The following ST8SIA3 variants were observed in gnomAD, a reference collection of about 807,000 sequenced individuals.
ST8SIA3 encodes the protein ST8 alpha-N-acetyl-neuraminide alpha-2,8-sialyltransferase 3.
In ST8SIA3, 17 loss-of-function variants were observed where a neutral mutation model predicts 34.5. That is an observed-to-expected ratio of 0.49 (90% CI 0.34 to 0.74). ST8SIA3 has a LOEUF of 0.74. ST8SIA3 is among the 30% of genes least tolerant of loss of function. The pLI is 0.01. For missense variants in ST8SIA3, 354 were observed against 467.8 expected (o/e 0.76, Z 2.24); for synonymous variants, 172 against 176.1 (o/e 0.98, Z 0.19).
Position 57,360,139 on chromosome 18 carries a change from A to C in ST8SIA3, c.1005A>C (p.Pro335=), listed in dbSNP as rs1291115458. The change falls in exon 4 of 4, where the codon CCA becomes CCC. Residue 335 remains proline (P), a synonymous_variant. Coordinates refer to ENST00000324000, the MANE Select transcript of ST8SIA3 (RefSeq NM_015879.3). The part of the protein sequence containing the change: ...GFDPNTREDL[P]YHYYDKKGTK... Reference sequence around the variant, plus strand: ...ACCCCAACACAAGGGAAGATCTTCCATACCATTACTATGACAAAAAAGGAA... The same window carrying C: ...ACCCCAACACAAGGGAAGATCTTCCCTACCATTACTATGACAAAAAAGGAA... The C allele has an allele frequency of 1.2e-6, 2 of 1,614,186 alleles. No homozygotes were observed. Among genetic ancestry groups the C allele is most frequent in the Non-Finnish European group, 1.7e-6 (2 of 1,180,018 alleles).
chr18:57,355,155 C>T (rs909200945), intron 2 of ST8SIA3, among the ~76,000 whole-genome samples: 2 of 152,148 alleles, frequency 1.3e-5, no homozygotes, highest in Admixed American at 6.5e-5. Context: ...ATTTTATACA[C>T]ATAAGATGGT....
intron 3 of ST8SIA3, among the ~76,000 whole-genome samples, chr18:57,358,667 G>A (rs753819800): frequency 1.4e-4 from 21 of 152,072 alleles, no homozygotes; most frequent in Admixed American, 2.6e-4. Context: ...AGTTCCCCAG[G>A]ATATATGGTC....
rs2049864323 is a variant in ST8SIA3, at chr18:57,366,975, G to T, written c.*6698G>T. ...TTCCAACTGAGTGTTTAGAAATCAG[G>T]TAATCTGGTAATCCACAGAACAAGC... is the stretch of plus-strand genomic sequence containing the variant. On this transcript the variant is annotated 3_prime_UTR_variant, in exon 4 of 4. Transcript: ENST00000324000. 6.6e-6 allele frequency: 1 copy of T among 152,180 alleles called. No homozygotes were observed. Among genetic ancestry groups the T allele is most frequent in the Non-Finnish European group, 1.5e-5 (1 of 68,038 alleles). The allele number at this position is 152,180 out of a possible 1,614,324, so 9.4% of individuals were successfully genotyped here. A position where few individuals can be genotyped will look rare whatever the true frequency, so the allele number is the denominator to read the frequency against.
chr18:57,359,907 A>C, intron 3 of ST8SIA3, 88 bp from the exon 4 acceptor site: 1 of 1,205,040 alleles, frequency 8.3e-7, no homozygotes, highest in Non-Finnish European at 1.2e-6. Flanking sequence ...ACAGTAACAA[A>C]TCCACTACCC....
At chr18:57,358,704 G>C (rs1235082053) in intron 3 of ST8SIA3, among the ~76,000 whole-genome samples, 1 of 152,160 alleles carries the variant, frequency 6.6e-6, no homozygotes, top group Non-Finnish European at 1.5e-5. Context: ...ATGTAGCCCA[G>C]CTCCTAAGTT....
chr18:57,365,109 G>C lies in ST8SIA3; in HGVS notation c.*4832G>C, dbSNP rs2049853123. 6.6e-6 allele frequency: 1 copy of C among 152,114 alleles called. No individual in the cohort carries two copies. The highest frequency in any genetic ancestry group is 2.4e-5 in the African/African-American group (1 of 41,420). The allele number at this position is 152,114 out of a possible 1,614,324, so 9.4% of individuals were successfully genotyped here. ...AGCAACTCTTCAAAATACAATTCTTGCCACTCATTCTGGACCTTTGATTCA... is the reference window on the plus strand; with the variant it reads ...AGCAACTCTTCAAAATACAATTCTTCCCACTCATTCTGGACCTTTGATTCA... On this transcript the variant is annotated 3_prime_UTR_variant, in exon 4 of 4. Transcript: ENST00000324000.
In ST8SIA3 at chr18:57,367,166, A is replaced by G. The variant is rs2049865291; in HGVS notation, c.*6889A>G. Reference sequence around the variant, plus strand: ...CTAAATCAAAATTAGATCATGAAGGACCAAATCTACTTCCGTTGCTATAAT... The same window carrying G: ...CTAAATCAAAATTAGATCATGAAGGGCCAAATCTACTTCCGTTGCTATAAT... On this transcript the variant is annotated 3_prime_UTR_variant, in exon 4 of 4. Coordinates refer to ENST00000324000, the MANE Select transcript of ST8SIA3 (RefSeq NM_015879.3). 6.6e-6 allele frequency: 1 copy of G among 152,224 alleles called. No homozygotes were observed. The highest frequency in any genetic ancestry group is 1.5e-5 in the Non-Finnish European group (1 of 68,042). 9.4% of individuals were successfully genotyped at this position (152,224 alleles called of 1,614,324 possible).
chr18:57,355,543 CTT>C (rs2049793984), intron 2 of ST8SIA3, among the ~76,000 whole-genome samples: 1 of 152,118 alleles, frequency 6.6e-6, no homozygotes, highest in Non-Finnish European at 1.5e-5. Flanking sequence ...TTTAAAAACA[CTT>C]ATGTTTAATT....
chr18:57,359,719 G>C (rs2049818860), intron 3 of ST8SIA3, among the ~76,000 whole-genome samples: 2 of 152,186 alleles, frequency 1.3e-5, no homozygotes, highest in Admixed American at 6.5e-5. Flanking sequence ...CCCATGCTCA[G>C]AAGGGCCCAA....
intron 2 of ST8SIA3, 151 bp downstream of exon 2, chr18:57,354,675 G>A: frequency 1.1e-6 from 1 of 895,530 alleles, no homozygotes; most frequent in African/African-American, 1.7e-5. Flanking sequence ...TTGTTTTCTT[G>A]GCATGACTGC....
In ST8SIA3 at chr18:57,361,297, G is replaced by A. The variant is rs1455619213; in HGVS notation, c.*1020G>A. 6.6e-6 allele frequency: 1 copy of A among 152,214 alleles called. No homozygotes were observed. The highest frequency in any genetic ancestry group is 2.4e-5 in the African/African-American group (1 of 41,442). The allele number at this position is 152,214 out of a possible 1,614,324, so 9.4% of individuals were successfully genotyped here. Reference sequence around the variant, plus strand: ...AAGAAGAATATTTAGAAGTTGTTATGGAATCCTGTGTACCCTAAAGTGTGG... The same window carrying A: ...AAGAAGAATATTTAGAAGTTGTTATAGAATCCTGTGTACCCTAAAGTGTGG... On this transcript the variant is annotated 3_prime_UTR_variant, in exon 4 of 4. Transcript: ENST00000324000.
intron 3 of ST8SIA3, among the ~76,000 whole-genome samples, chr18:57,359,723 G>A (rs1213465505): frequency 6.6e-6 from 1 of 152,100 alleles, no homozygotes; most frequent in Non-Finnish European, 1.5e-5. Context: ...TGCTCAGAAG[G>A]GCCCAACACT....
intron 1 of ST8SIA3, 135 bp downstream of exon 1, chr18:57,353,160 C>G (rs528110840): frequency 1.0e-5 from 8 of 800,588 alleles, no homozygotes; most frequent in African/African-American, 3.5e-5. Flanking sequence ...TCCTTCCACT[C>G]CTCTCTCTAA....
chr18:57,353,323 G>A (rs1409969227), intron 1 of ST8SIA3, among the ~76,000 whole-genome samples: 1 of 152,152 alleles, frequency 6.6e-6, no homozygotes, highest in Non-Finnish European at 1.5e-5. Flanking sequence ...AGGAGGGTGA[G>A]GGTGGAGGGA....
In ST8SIA3 at chr18:57,361,210, G is replaced by A. The variant is rs1302800028; in HGVS notation, c.*933G>A. ...TCCCAACCCATGCACTAGGCTGGGT[G>A]TTCTCTCAGAATATAGAGGCAATGA... On this transcript the variant is annotated 3_prime_UTR_variant, in exon 4 of 4. Transcript: ENST00000324000. The A allele has an allele frequency of 1.3e-5, 2 of 152,208 alleles. No homozygotes were observed. The highest frequency in any genetic ancestry group is 2.9e-5 in the Non-Finnish European group (2 of 68,056). 9.4% of individuals were successfully genotyped at this position (152,208 alleles called of 1,614,324 possible).
At chr18:57,357,612 A>T in intron 3 of ST8SIA3, 142 bp downstream of exon 3, 1 of 679,004 alleles carries the variant, frequency 1.5e-6, no homozygotes, top group Non-Finnish European at 2.5e-6. Context: ...ATGTTTTGTA[A>T]TGAGCGAATG....
rs1031635848 is a variant in ST8SIA3 at position 57,368,189 on chromosome 18, A to C, written c.*7912A>C. On this transcript the variant is annotated 3_prime_UTR_variant, in exon 4 of 4. Coordinates refer to ENST00000324000, the MANE Select transcript of ST8SIA3 (RefSeq NM_015879.3). ...TCCATTAGTTAGATGGACATTGACA[A>C]TTAATTGTGAAAGCATTAATTAGAA... 6.6e-6 allele frequency: 1 copy of C among 152,216 alleles called. No homozygotes were observed. The highest frequency in any genetic ancestry group is 1.5e-5 in the Non-Finnish European group (1 of 68,022). The allele number at this position is 152,216 out of a possible 1,614,324, so 9.4% of individuals were successfully genotyped here. A position where few individuals can be genotyped will look rare whatever the true frequency, so the allele number is the denominator to read the frequency against.
rs2049822756 is a variant in ST8SIA3 at position 57,360,186 on chromosome 18, A to C, written c.1052A>C (p.Gln351Pro). 1 of 1,614,066 alleles carries C rather than the reference A, an allele frequency of 6.2e-7. No individual in the cohort carries two copies. The highest frequency in any genetic ancestry group is 8.5e-7 in the Non-Finnish European group (1 of 1,180,036). Reference sequence around the variant, plus strand: ...GGAACCAAATTTACCACCAAGTGGCAGGAGTCCCACCAGCTGCCTGCTGAG... The same window carrying C: ...GGAACCAAATTTACCACCAAGTGGCCGGAGTCCCACCAGCTGCCTGCTGAG... ...KKGTKFTTKW[Q>P]ESHQLPAEFQ... Residue 351 changes from glutamine to proline, a missense_variant, in exon 4 of 4, where the codon CAG becomes CCG. Coordinates refer to ENST00000324000, the MANE Select transcript of ST8SIA3 (RefSeq NM_015879.3).
At position 57,368,194 on chromosome 18, in the gene ST8SIA3, T is replaced by C. The variant is rs564892109; in HGVS notation, c.*7917T>C. On this transcript the variant is annotated 3_prime_UTR_variant, in exon 4 of 4. Transcript: ENST00000324000. ...TAGTTAGATGGACATTGACAATTAA[T>C]TGTGAAAGCATTAATTAGAAGTCAA... 3.3e-5 allele frequency: 5 copies of C among 152,340 alleles called. No homozygotes were observed. The East Asian group carries it at 9.6e-4, about 29-fold the overall frequency. 9.4% of individuals were successfully genotyped at this position (152,340 alleles called of 1,614,324 possible). A position where few individuals can be genotyped will look rare whatever the true frequency, so the allele number is the denominator to read the frequency against.
Sources: gnomAD v4.1 joint callset for allele counts (sites outside exome capture counted in the v4.1 genomes callset) on GRCh38, gnomAD v4.1.1 for gene constraint, MANE v1.5 for transcripts, NCBI Gene and HGNC (gene_info 2026-07-23, HGNC 2026-07-21) for gene names.